APC: variants seen among roughly 807,000 people sequenced by gnomAD.
The protein encoded by APC is adenomatous polyposis coli protein.
APC carries 72 observed loss-of-function variants against 247.0 expected under a neutral mutation model. That is an observed-to-expected ratio of 0.29 (90% CI 0.24 to 0.35). The LOEUF (loss-of-function observed/expected upper bound fraction) is 0.35. Ranked by LOEUF, APC falls within the 10% of genes least tolerant of loss-of-function variation. The pLI is 1.00. For synonymous variants in APC, 1,254 were observed against 1,162.5 expected (o/e 1.08, Z -1.60); for missense variants, 3,400 against 3,360.7 (o/e 1.01, Z -0.29).
chr5:112,763,221 C>CA (rs200000852), intron 2 of APC, among the ~76,000 whole-genome samples: 1 of 151,130 alleles, frequency 6.6e-6, no homozygotes, highest in African/African-American at 2.4e-5. Context: ...GAAGTGTGGA[C>CA]AAAAAAAATC....
At chr5:112,736,749 A>C (rs1752413961), upstream of APC, among the ~76,000 whole-genome samples, 1 of 152,174 alleles carries the variant, frequency 6.6e-6, no homozygotes, top group African/African-American at 2.4e-5. Flanking sequence ...CCCCGTCTCT[A>C]CTAAAAATAC....
chr5:112,750,633 G>A (rs1754248192), intron 1 of APC, among the ~76,000 whole-genome samples: 1 of 151,992 alleles, frequency 6.6e-6, no homozygotes, highest in Non-Finnish European at 1.5e-5. Flanking sequence ...TTTCCCATTT[G>A]TTTGAAGTAC....
intron 1 of APC, among the ~76,000 whole-genome samples, chr5:112,739,620 A>T (rs757085875): frequency 6.6e-6 from 1 of 152,216 alleles, no homozygotes; most frequent in African/African-American, 2.4e-5. Context: ...GCTAAACAGG[A>T]GGCTGAGGGA....
intron 9 of APC, among the ~76,000 whole-genome samples, chr5:112,816,037 C>T (rs963284989): frequency 6.6e-6 from 1 of 152,204 alleles, no homozygotes; most frequent in Non-Finnish European, 1.5e-5. Context: ...TCTTTACATC[C>T]ACTTTTCTGC....
In APC at chr5:112,717,613, G is replaced by A. The variant is rs184735912; in HGVS notation, c.165+9731G>A. Among the ~76,000 whole-genome samples, 183 of 152,172 alleles carry A rather than the reference G, an allele frequency of 1.2e-3. 1 individual carries two copies. The highest frequency in any genetic ancestry group is 4.3e-3 in the African/African-American group (180 of 41,522). ...TTTCAGCACATTTCATTGTTATTGAGACCTCAACTCTTTGTGTCTCAACTT... is the reference window on the plus strand; with the variant it reads ...TTTCAGCACATTTCATTGTTATTGAAACCTCAACTCTTTGTGTCTCAACTT... On this transcript the variant is annotated intron_variant, in intron 1 of 13. Coordinates refer to the APC transcript ENST00000507379.
At chr5:112,712,575 T>TA (rs1260330674) in intron 1 of APC, among the ~76,000 whole-genome samples, 31 of 149,052 alleles carry the variant, frequency 2.1e-4, no homozygotes, top group Admixed American at 5.3e-4. Flanking sequence ...TTTTTTTTTT[T>TA]AAGCGACCGG....
chr5:112,777,844 CT>C, intron 5 of APC: 4 of 243,204 alleles, frequency 1.6e-5, no homozygotes, highest in Non-Finnish European at 3.5e-5. Context: ...CTGGCAAAGC[CT>C]TTTAGTTTGT....
chr5:112,833,748 G>A (rs1370972576), intron 14 of APC, among the ~76,000 whole-genome samples: 1 of 152,132 alleles, frequency 6.6e-6, no homozygotes, highest in Non-Finnish European at 1.5e-5. Flanking sequence ...TTTGTTATGT[G>A]GGGAATTTTA....
rs1064796571 is a variant in APC at position 112,841,233 on chromosome 5, A to C, written c.5639A>C (p.Glu1880Ala). 1 of 1,613,920 alleles carries C rather than the reference A, an allele frequency of 6.2e-7. No individual in the cohort carries two copies. The highest frequency in any genetic ancestry group is 1.1e-5 in the South Asian group (1 of 91,074). The change falls in exon 16 of 16, where the codon GAA (glutamate) becomes GCA (alanine). Residue 1880 changes from glutamate to alanine, a missense_variant. This residue lies in a region of APC where 1,788 missense variants were observed against 1,649.5 expected (regional missense o/e 1.08). Coordinates refer to ENST00000257430, the MANE Select transcript of APC (RefSeq NM_000038.6). The surrounding 1 kb of genome is among the most constrained non-coding windows in gnomAD (Gnocchi z 4.6). ...GTTGACCTTTCCAGGGAAAAGGCTG[A>C]ATTAAGAAAGGCAAAAGAAAATAAG... ...DDVDLSREKA[E>A]LRKAKENKES...
chr5:112,758,666 G>A (rs1050240237), intron 2 of APC, among the ~76,000 whole-genome samples: 9 of 149,752 alleles, frequency 6.0e-5, no homozygotes, highest in African/African-American at 2.0e-4. Context: ...CGTTCTTGTC[G>A]CCCAGGCTGG....
chr5:112,758,558 C>T (rs1353712258), intron 2 of APC, among the ~76,000 whole-genome samples: 1 of 151,994 alleles, frequency 6.6e-6, no homozygotes, highest in Non-Finnish European at 1.5e-5. Flanking sequence ...AACTCCTGAC[C>T]TCGTGATCCA....
intron 5 of APC, among the ~76,000 whole-genome samples, chr5:112,779,258 G>GT (rs1758060158): frequency 6.6e-6 from 1 of 152,142 alleles, no homozygotes; most frequent in Non-Finnish European, 1.5e-5. Flanking sequence ...CCAAAGTGTA[G>GT]TTTTGCTTAC....
At position 112,840,919 on chromosome 5, in the gene APC, A is replaced by G; in HGVS notation, c.5325A>G (p.Pro1775=). The change falls in exon 16 of 16, where the codon CCA becomes CCG. Residue 1775 remains proline, a synonymous_variant. Transcript: ENST00000257430. This position sits in a 1 kb window ranked among gnomAD's most constrained non-coding sequence, Gnocchi z 4.1. ...GTAAGAAAAAGAAACCAACTTCACC[A>G]GTAAAACCTATACCACAAAATACTG... is the stretch of plus-strand genomic sequence containing the variant. The part of the protein sequence containing the change: ...LDGKKKKPTS[P]VKPIPQNTEY... 6.2e-7 allele frequency: 1 copy of G among 1,613,980 alleles called. No individual in the cohort carries two copies. The highest frequency in any genetic ancestry group is 8.5e-7 in the Non-Finnish European group (1 of 1,179,836).
intron 9 of APC, among the ~76,000 whole-genome samples, chr5:112,816,796 AAG>A (rs1452209482): frequency 1.3e-5 from 2 of 151,962 alleles, no homozygotes; most frequent in Non-Finnish European, 2.9e-5. Flanking sequence ...TCCATTTCAA[AAG>A]AAAAAAAAAA....
At chr5:112,751,972 A>G (rs944666021) in intron 1 of APC, among the ~76,000 whole-genome samples, 1 of 152,084 alleles carries the variant, frequency 6.6e-6, no homozygotes. Context: ...CATCTTTGGC[A>G]TGAACATATG....
chr5:112,825,559 C>T (rs758588400), intron 11 of APC, among the ~76,000 whole-genome samples: 3 of 152,112 alleles, frequency 2.0e-5, no homozygotes, highest in Admixed American at 6.6e-5. Context: ...TTGTTAGATA[C>T]GCATTCATCT....
chr5:112,771,312 T>C (rs890788670), intron 4 of APC, among the ~76,000 whole-genome samples: 3 of 152,176 alleles, frequency 2.0e-5, no homozygotes, highest in African/African-American at 4.8e-5. Context: ...TTTCATTTTA[T>C]TCATAAATAA....
rs1765322415 is a variant in APC at position 112,838,637 on chromosome 5, G to C, written c.3043G>C (p.Asp1015His). ...TAAAATACATAGTGCAAATCATATG[G>C]ATGATAATGATGGAGAACTAGATAC... ...AHKIHSANHM[D>H]DNDGELDTPI... Residue 1015 changes from aspartate to histidine, a missense_variant, in exon 16 of 16, where the codon GAT becomes CAT. Transcript: ENST00000257430. The C allele has an allele frequency of 6.2e-7, 1 of 1,614,074 alleles. No homozygotes were observed. Among genetic ancestry groups the C allele is most frequent in the Non-Finnish European group, 8.5e-7 (1 of 1,179,990 alleles).
At chr5:112,797,958 A>G (rs1760388740) in intron 7 of APC, among the ~76,000 whole-genome samples, 2 of 152,204 alleles carry the variant, frequency 1.3e-5, no homozygotes, top group Admixed American at 6.5e-5. Flanking sequence ...GAGAAGCAGG[A>G]TCCCTCATTG....
Sources: allele counts gnomAD v4.1 joint callset (sites outside exome capture counted in the v4.1 genomes callset), GRCh38; gene constraint gnomAD v4.1.1; regional missense constraint gnomAD v4.1.1; non-coding constraint Gnocchi (gnomAD v3.1); transcripts MANE v1.5; gene names NCBI Gene and HGNC (gene_info 2026-07-23, HGNC 2026-07-21).